Variants in SLC66A1 observed in about 807,000 individuals in gnomAD.
SLC66A1 encodes solute carrier family 66 member 1, also known as lysosomal amino acid transporter 1 homolog.
In SLC66A1, 23 loss-of-function variants were observed where a neutral mutation model predicts 33.0. The observed-to-expected ratio is 0.70, with a 90% CI of 0.50 to 0.99. The LOEUF (loss-of-function observed/expected upper bound fraction) is 0.99. Ranked by LOEUF, SLC66A1 falls within the 50% of genes least tolerant of loss-of-function variation. The pLI is 0.00. For missense variants in SLC66A1, 335 were observed against 383.6 expected, an observed-to-expected ratio of 0.87 and a Z score of 1.06; for synonymous variants, 164 against 175.5, an observed-to-expected ratio of 0.93 and a Z score of 0.52.
downstream of SLC66A1, among the ~76,000 whole-genome samples, chr1:19,333,910 AAAC>A (rs1345089095): frequency 1.1e-5 from 1 of 87,884 alleles, no homozygotes; most frequent in African/African-American, 4.4e-5. The surrounding 1 kb of genome is among the most constrained non-coding windows in gnomAD (Gnocchi z 4.2). Context: ...AAACAAAACA[AAAC>A]AAAACAAAAC....
chr1:19,327,151 G>A, intron 6 of SLC66A1, 76 bp from the exon 7 acceptor site: 1 of 1,385,574 alleles, frequency 7.2e-7, no homozygotes, highest in South Asian at 1.3e-5. Flanking sequence ...TGGGGCAGGT[G>A]GACATGTGGA....
intron 1 of SLC66A1, among the ~76,000 whole-genome samples, chr1:19,315,348 T>A (rs1008719972): frequency 6.6e-6 from 1 of 152,268 alleles, no homozygotes; most frequent in African/African-American, 2.4e-5. Flanking sequence ...TCAGCCTCCC[T>A]GCCTGTGCCA....
intron 2 of SLC66A1, among the ~76,000 whole-genome samples, chr1:19,323,778 TA>T (rs2093849355): frequency 6.6e-6 from 1 of 152,142 alleles, no homozygotes; most frequent in Non-Finnish European, 1.5e-5. Flanking sequence ...ACTGGAACAG[TA>T]AATGGCAGTA....
chr1:19,330,347 C>T (rs1434474511), downstream of SLC66A1, among the ~76,000 whole-genome samples: 2 of 152,192 alleles, frequency 1.3e-5, no homozygotes, highest in Non-Finnish European at 2.9e-5. Flanking sequence ...GATCTCCCTT[C>T]CCAGCCCCGG....
At chr1:19,318,710 G>C (rs1014641989) in intron 2 of SLC66A1, among the ~76,000 whole-genome samples, 14 of 152,160 alleles carry the variant, frequency 9.2e-5, no homozygotes, top group African/African-American at 3.4e-4. Flanking sequence ...CACTTTGGGA[G>C]GCCGAGGCAG....
In SLC66A1 at chr1:19,326,363, C is replaced by G; in HGVS notation, c.501C>G (p.Leu167=). 2 of 1,606,820 alleles carry G rather than the reference C, an allele frequency of 1.2e-6. No homozygotes were observed. Among genetic ancestry groups the G allele is most frequent in the Non-Finnish European group, 1.7e-6 (2 of 1,179,138 alleles). ...APREAFRGRA[L]LSVESGSKPF... is the part of the protein sequence containing the mutation. ...GGGAAGCCTTCCGGGGGCGGGCGCT[C>G]CTGTCCGTGGAGTCGGGCAGCAAGG... The change falls in exon 5 of 8, where the codon CTC becomes CTG. Residue 167 remains leucine, a synonymous_variant. Coordinates refer to ENST00000375153, the MANE Select transcript of SLC66A1 (RefSeq NM_001040125.2).
At position 19,313,353 on chromosome 1, in the gene SLC66A1, C is replaced by T. The variant is rs1197970556; in HGVS notation, c.-79+464C>T. Among the ~76,000 whole-genome samples the T allele has an allele frequency of 2.0e-5, 3 of 152,192 alleles. No homozygotes were observed. The East Asian group carries it at 5.8e-4, about 29-fold the overall frequency. On this transcript the variant is annotated intron_variant, in intron 1 of 7. Coordinates refer to ENST00000375153, the MANE Select transcript of SLC66A1 (RefSeq NM_001040125.2). The stretch of plus-strand genomic sequence containing the variant: ...TCACCCGTTTCCTCTCTTCTTCACT[C>T]TGTCCTTCTCTCTACCTCTCTCTTT...
chr1:19,317,941 C>T, intron 2 of SLC66A1, 100 bp downstream of exon 2: 1 of 1,500,606 alleles, frequency 6.7e-7, no homozygotes, highest in Non-Finnish European at 9.0e-7. Context: ...GGCCACGGGC[C>T]TCTCCAGACT....
chr1:19,327,599 C>T (rs971213695), intron 7 of SLC66A1, 187 bp downstream of exon 7: 3 of 775,534 alleles, frequency 3.9e-6, no homozygotes, highest in Non-Finnish European at 6.7e-6. Context: ...TGCCAGGCAC[C>T]CAGCTGGACC....
intron 4 of SLC66A1, 75 bp from the exon 5 acceptor site, chr1:19,326,170 A>T: frequency 6.9e-7 from 1 of 1,439,948 alleles, no homozygotes; most frequent in Non-Finnish European, 9.5e-7. Context: ...GGGCAAGGCC[A>T]GGACTTAGCA....
chr1:19,316,308 CCTCTT>C (rs2093804984), intron 1 of SLC66A1, among the ~76,000 whole-genome samples: 1 of 151,918 alleles, frequency 6.6e-6, no homozygotes, highest in African/African-American at 2.4e-5. Context: ...ATCCCTTGCT[CCTCTT>C]CTCCACTTGC....
chr1:19,324,612 C>T (rs1190875418), intron 2 of SLC66A1, 21 bp from the exon 3 acceptor site: 7 of 1,613,438 alleles, frequency 4.3e-6, no homozygotes, highest in Non-Finnish European at 5.9e-6. Flanking sequence ...GCATGCATCC[C>T]TTCCTCTTCC....
chr1:19,317,697 G>A lies in SLC66A1; in HGVS notation c.20G>A (p.Gly7Asp), dbSNP rs377544445. The A allele has an allele frequency of 1.8e-5, 29 of 1,613,988 alleles. No homozygotes were observed. Among genetic ancestry groups the A allele is most frequent in the Non-Finnish European group, 2.4e-5 (28 of 1,179,960 alleles). The change falls in exon 2 of 8, where the codon GGC becomes GAC. Residue 7 changes from glycine to aspartate, a missense_variant. Physicochemically the swap from Gly to Asp is moderately conservative, Grantham distance 94 (BLOSUM62 -1). Transcript: ENST00000375153. ...ACAGCCATGGTCTGGAAGAAACTGG[G>A]CTCCCGCAACTTCTCCAGCTGCCCC... MVWKKL[G>D]SRNFSSCPSG...
intron 1 of SLC66A1, among the ~76,000 whole-genome samples, chr1:19,314,859 C>G (rs888158520): frequency 2.0e-5 from 3 of 151,934 alleles, no homozygotes; most frequent in Admixed American, 6.6e-5. Context: ...ATGCCTTTGG[C>G]CTTGCAAACG....
At chr1:19,316,129 C>T (rs569722720) in intron 1 of SLC66A1, among the ~76,000 whole-genome samples, 1 of 152,250 alleles carries the variant, frequency 6.6e-6, no homozygotes, top group African/African-American at 2.4e-5. Flanking sequence ...AGAGGCCTGC[C>T]CTGCCCACCC....
rs1048270224 is a variant in SLC66A1 at position 19,328,529 on chromosome 1, A to G, written c.805-43A>G. 15 of 1,581,942 alleles carry G rather than the reference A, an allele frequency of 9.5e-6. No homozygotes were observed. The highest frequency in any genetic ancestry group is 1.3e-5 in the Non-Finnish European group (15 of 1,159,600). ...TCGAAGGCCCCCAGGGGCAGGTCCAACCCAGTCTCTGCTCAGCTTGGCCTT... is the reference window on the plus strand; with the variant it reads ...TCGAAGGCCCCCAGGGGCAGGTCCAGCCCAGTCTCTGCTCAGCTTGGCCTT... On this transcript the variant is annotated intron_variant, in intron 7 of 7. Transcript: ENST00000375153. The surrounding 1 kb of genome is among the most constrained non-coding windows in gnomAD (Gnocchi z 4.7).
At chr1:19,316,053 C>T (rs774978049) in intron 1 of SLC66A1, among the ~76,000 whole-genome samples, 10 of 152,216 alleles carry the variant, frequency 6.6e-5, no homozygotes, top group Non-Finnish European at 5.9e-5. Context: ...ACTTTCCCTC[C>T]CTCCTCTAAG....
At chr1:19,320,051 C>T (rs1309238972) in intron 2 of SLC66A1, among the ~76,000 whole-genome samples, 1 of 151,430 alleles carries the variant, frequency 6.6e-6, no homozygotes, top group Non-Finnish European at 1.5e-5. Flanking sequence ...CATGCGCCAC[C>T]ATGCCTGGCT....
rs999841778 is a variant in SLC66A1 at position 19,326,737 on chromosome 1, G to T, written c.618+114G>T. The T allele has an allele frequency of 1.6e-5, 18 of 1,117,988 alleles. No homozygotes were observed. In the African/African-American group the frequency reaches 2.7e-4, roughly 17 times the overall value. 69.3% of individuals were successfully genotyped at this position (1,117,988 alleles called of 1,614,324 possible). A position where few individuals can be genotyped will look rare whatever the true frequency, so the allele number is the denominator to read the frequency against. On this transcript the variant is annotated intron_variant, in intron 6 of 7. Transcript: ENST00000375153. ...TAGGAGCCTTGGTTCAGAAAGTCTG[G>T]TCTACTCCCGCTGTTGGCTTGGGCA...
Sources: gnomAD v4.1 joint callset for allele counts (sites outside exome capture counted in the v4.1 genomes callset) on GRCh38, gnomAD v4.1.1 for gene constraint, Gnocchi (gnomAD v3.1) non-coding constraint, MANE v1.5 for transcripts, NCBI Gene and HGNC (gene_info 2026-07-23, HGNC 2026-07-21) for gene names.